Variants in DPYSL2 observed in about 807,000 individuals in gnomAD.
The protein encoded by DPYSL2 is dihydropyrimidinase-related protein 2.
DPYSL2 carries 13 observed loss-of-function variants against 69.9 expected under a neutral mutation model. The ratio of observed to expected loss-of-function variants is 0.19; its 90% CI spans 0.12 to 0.30. DPYSL2 has a LOEUF of 0.30. DPYSL2 is among the 10% of genes least tolerant of loss of function. The probability of loss-of-function intolerance (pLI) is 1.00; values close to 1 mark genes in which losing one functional copy is unlikely to be tolerated. For synonymous variants in DPYSL2, 326 were observed against 359.1 expected (o/e 0.91, Z 1.04); for missense variants, 587 against 918.9 (o/e 0.64, Z 4.67).
chr8:26,643,705 C>A lies in DPYSL2; in HGVS notation c.1283+110C>A. ...CAAGAGCAGCCATAAAACTGGGAGA[C>A]CCTTGTTCACCAAACTAGGTTGGCT... On this transcript the variant is annotated intron_variant, in intron 9 of 13. Coordinates refer to ENST00000521913, the MANE Select transcript of DPYSL2 (RefSeq NM_001197293.3). This position sits in a 1 kb window ranked among gnomAD's most constrained non-coding sequence, Gnocchi z 6.5. 6.8e-7 allele frequency: 1 copy of A among 1,479,348 alleles called. No homozygotes were observed. Among genetic ancestry groups the A allele is most frequent in the Non-Finnish European group, 9.3e-7 (1 of 1,074,280 alleles). The allele number at this position is 1,479,348 out of a possible 1,614,324, so 91.6% of individuals were successfully genotyped here.
chr8:26,613,172 A>T (rs1343056100), intron 3 of DPYSL2, among the ~76,000 whole-genome samples: 2 of 152,226 alleles, frequency 1.3e-5, no homozygotes, highest in Non-Finnish European at 2.9e-5. Context: ...GTGTTCATCC[A>T]GGAAAATGGG....
rs1306572931 is a variant in DPYSL2 at position 26,601,676 on chromosome 8, C to A, written c.628+17693C>A. Among the ~76,000 whole-genome samples, 3 of 152,354 alleles carry A rather than the reference C, an allele frequency of 2.0e-5. No individual in the cohort carries two copies. In the East Asian group the frequency reaches 5.8e-4, roughly 29 times the overall value. ...ATAGGCGTGAGCCACAGCGCCTGGG[C>A]CCTCTCTTATAGGAACTTCAGGTGC... On this transcript the variant is annotated intron_variant, in intron 3 of 13. Transcript: ENST00000521913.
At position 26,514,921 on chromosome 8, in the gene DPYSL2, G is replaced by A. The variant is rs1808252091; in HGVS notation, c.354+242G>A. ...TCTCCTTGAGCTTGAGAGGTGGGGC[G>A]TGGGCATAGGGAATGGGCTGATCCC... On this transcript the variant is annotated intron_variant, in intron 1 of 13. Coordinates refer to ENST00000521913, the MANE Select transcript of DPYSL2 (RefSeq NM_001197293.3). This position sits in a 1 kb window ranked among gnomAD's most constrained non-coding sequence, Gnocchi z 8.4. Among the ~76,000 whole-genome samples, 2 of 152,222 alleles carry A rather than the reference G, an allele frequency of 1.3e-5. No homozygotes were observed. The highest frequency in any genetic ancestry group is 4.1e-4 in the South Asian group (2 of 4,834).
chr8:26,522,859 A>AT (rs1303325783), intron 1 of DPYSL2, among the ~76,000 whole-genome samples: 2 of 151,722 alleles, frequency 1.3e-5, no homozygotes, highest in Non-Finnish European at 2.9e-5. Context: ...CAATTTATCT[A>AT]TTTTTTTCTT....
In DPYSL2 at chr8:26,609,434, A is replaced by G. The variant is rs1239871434; in HGVS notation, c.629-14709A>G. On this transcript the variant is annotated intron_variant, in intron 3 of 13. Coordinates refer to ENST00000521913, the MANE Select transcript of DPYSL2 (RefSeq NM_001197293.3). The surrounding 1 kb of genome is among the most constrained non-coding windows in gnomAD (Gnocchi z 6.5). ...GTTATAGTTGGATTCCCTTCCCAGC[A>G]AGGAACCAACAGGAAGGAAAACGAA... Among the ~76,000 whole-genome samples, 1 of 152,200 alleles carries G rather than the reference A, an allele frequency of 6.6e-6. No homozygotes were observed. The highest frequency in any genetic ancestry group is 1.5e-5 in the Non-Finnish European group (1 of 68,030).
intron 1 of DPYSL2, among the ~76,000 whole-genome samples, chr8:26,545,313 T>C (rs1800748426): frequency 6.6e-6 from 1 of 152,170 alleles, no homozygotes; most frequent in African/African-American, 2.4e-5. Flanking sequence ...TCTAAGTACC[T>C]TTTTCAACCA....
At chr8:26,547,823 A>G in intron 1 of DPYSL2, 1 of 357,368 alleles carries the variant, frequency 2.8e-6, no homozygotes, top group Non-Finnish European at 5.8e-6. Flanking sequence ...TTGCCACAGA[A>G]AGTCATATAT....
chr8:26,561,197 C>T (rs1801064396), intron 1 of DPYSL2, among the ~76,000 whole-genome samples: 1 of 152,128 alleles, frequency 6.6e-6, no homozygotes, highest in Non-Finnish European at 1.5e-5. Context: ...CAGACAACCA[C>T]TCCTGCTTTC....
chr8:26,522,279 G>A lies in DPYSL2; in HGVS notation c.354+7600G>A, dbSNP rs61473350. On this transcript the variant is annotated intron_variant, in intron 1 of 13. Transcript: ENST00000521913. ...GCCAAGATCACACCACTGCACTCCA[G>A]CCTGGGCAACCGAGTGAGACTCTGT... is the stretch of plus-strand genomic sequence containing the variant. Among the ~76,000 whole-genome samples the A allele has an allele frequency of 2.6e-5, 4 of 151,990 alleles. No individual in the cohort carries two copies. The Admixed American group carries it at 2.6e-4, about 10-fold the overall frequency.
intron 1 of DPYSL2, among the ~76,000 whole-genome samples, chr8:26,536,393 A>C (rs1448604975): frequency 6.6e-6 from 1 of 151,988 alleles, no homozygotes; most frequent in African/African-American, 2.4e-5. Context: ...ATTATAGGCC[A>C]GGCATGGTGG....
rs569561060 is a variant in DPYSL2, at chr8:26,644,455, G to A, written c.1425+364G>A. On this transcript the variant is annotated intron_variant, in intron 10 of 13. Coordinates refer to ENST00000521913, the MANE Select transcript of DPYSL2 (RefSeq NM_001197293.3). This position sits in a 1 kb window ranked among gnomAD's most constrained non-coding sequence, Gnocchi z 4.5. Reference sequence around the variant, plus strand: ...CTGAGTAGCTAGGACCACAGGCTCAGACCACCATGCCTGGCTAATTTTTTT... The same window carrying A: ...CTGAGTAGCTAGGACCACAGGCTCAAACCACCATGCCTGGCTAATTTTTTT... Among the ~76,000 whole-genome samples the A allele has an allele frequency of 1.3e-5, 2 of 152,072 alleles. No homozygotes were observed. The highest frequency in any genetic ancestry group is 4.8e-5 in the African/African-American group (2 of 41,490).
At position 26,514,995 on chromosome 8, in the gene DPYSL2, A is replaced by G. The variant is rs1373492701; in HGVS notation, c.354+316A>G. 3.9e-5 allele frequency among the ~76,000 whole-genome samples: 6 copies of G among 152,158 alleles called. No individual in the cohort carries two copies. Among genetic ancestry groups the G allele is most frequent in the Non-Finnish European group, 8.8e-5 (6 of 68,024 alleles). ...CTGGGAGGGGGTTGGCCGCGGTTCC[A>G]TTCTTCTGAAACCCTCCCGGGCGGC... On this transcript the variant is annotated intron_variant, in intron 1 of 13. Coordinates refer to ENST00000521913, the MANE Select transcript of DPYSL2 (RefSeq NM_001197293.3). The surrounding 1 kb of genome is among the most constrained non-coding windows in gnomAD (Gnocchi z 8.4).
chr8:26,537,086 G>A (rs1800604138), intron 1 of DPYSL2, among the ~76,000 whole-genome samples: 1 of 151,956 alleles, frequency 6.6e-6, no homozygotes, highest in Non-Finnish European at 1.5e-5. Flanking sequence ...ATTTTCTGAT[G>A]AGTGACTTAA....
rs1035243034 is a variant in DPYSL2 at position 26,565,062 on chromosome 8, T to C, written c.355-16907T>C. Among the ~76,000 whole-genome samples, 1 of 152,326 alleles carries C rather than the reference T, an allele frequency of 6.6e-6. No individual in the cohort carries two copies. Among genetic ancestry groups the C allele is most frequent in the African/African-American group, 2.4e-5 (1 of 41,566 alleles). On this transcript the variant is annotated intron_variant, in intron 1 of 13. Transcript: ENST00000521913. This position sits in a 1 kb window ranked among gnomAD's most constrained non-coding sequence, Gnocchi z 4.1. Reference sequence around the variant, plus strand: ...TCTTGTGTTACTTCACTTAGAATAATGGCTTCCAGCTCCACCCGAATTACT... The same window carrying C: ...TCTTGTGTTACTTCACTTAGAATAACGGCTTCCAGCTCCACCCGAATTACT...
rs997522143 is a variant in DPYSL2, at chr8:26,593,182, G to T, written c.628+9199G>T. ...AGAGGATGTTGCTGGGGGTTGGGTC[G>T]CGGTGGCTGAGGCTGCTGTCCAGTT... On this transcript the variant is annotated intron_variant, in intron 3 of 13. Transcript: ENST00000521913. The surrounding 1 kb of genome is among the most constrained non-coding windows in gnomAD (Gnocchi z 5.7). Among the ~76,000 whole-genome samples the T allele has an allele frequency of 1.3e-5, 2 of 152,110 alleles. No individual in the cohort carries two copies. The highest frequency in any genetic ancestry group is 2.4e-5 in the African/African-American group (1 of 41,416).
chr8:26,619,929 A>T lies in DPYSL2; in HGVS notation c.629-4214A>T, dbSNP rs887229217. The T allele has an allele frequency of 6.6e-6, 1 of 151,954 alleles. No individual in the cohort carries two copies. The highest frequency in any genetic ancestry group is 1.9e-4 in the East Asian group (1 of 5,180). 9.4% of individuals were successfully genotyped at this position (151,954 alleles called of 1,614,324 possible). On this transcript the variant is annotated intron_variant, in intron 3 of 13. Transcript: ENST00000521913. The surrounding 1 kb of genome is among the most constrained non-coding windows in gnomAD (Gnocchi z 4.8). The stretch of plus-strand genomic sequence containing the variant: ...AGTCTGAGGAGTCTAGCACCAGATG[A>T]TCTGACGACACATCATTGGGATGTG...
Position 26,643,193 on chromosome 8 carries a change from A to G in DPYSL2, c.1127-246A>G. On this transcript the variant is annotated intron_variant, in intron 8 of 13. Coordinates refer to ENST00000521913, the MANE Select transcript of DPYSL2 (RefSeq NM_001197293.3). This position sits in a 1 kb window ranked among gnomAD's most constrained non-coding sequence, Gnocchi z 6.5. ...AAGCCTTCAGGATGTCTGGGATCCT[A>G]TAGGGAGGGTGTGTTGTTTGAAGAG... is the stretch of plus-strand genomic sequence containing the variant. 4.5e-6 allele frequency: 2 copies of G among 439,682 alleles called. No homozygotes were observed. Among genetic ancestry groups the G allele is most frequent in the East Asian group, 3.9e-5 (1 of 25,344 alleles). 27.2% of individuals were successfully genotyped at this position (439,682 alleles called of 1,614,324 possible).
At chr8:26,531,871 T>G (rs1585492428) in intron 1 of DPYSL2, among the ~76,000 whole-genome samples, 1 of 152,042 alleles carries the variant, frequency 6.6e-6, no homozygotes, top group East Asian at 1.9e-4. Context: ...GGGAGCAGGC[T>G]TGATGGCGGG....
rs1801238338 is a variant in DPYSL2 at position 26,571,568 on chromosome 8, G to A, written c.355-10401G>A. Among the ~76,000 whole-genome samples the A allele has an allele frequency of 6.6e-6, 1 of 152,138 alleles. No homozygotes were observed. The highest frequency in any genetic ancestry group is 1.5e-5 in the Non-Finnish European group (1 of 68,032). On this transcript the variant is annotated intron_variant, in intron 1 of 13. Transcript: ENST00000521913. This position sits in a 1 kb window ranked among gnomAD's most constrained non-coding sequence, Gnocchi z 6.1. ...TTCAGGAGGTGTGTGCGCTAACTGG[G>A]GATAAGAGAAAGCCCGAGTCGACTA...
Sources: gnomAD v4.1 joint callset for allele counts (sites outside exome capture counted in the v4.1 genomes callset) on GRCh38, gnomAD v4.1.1 for gene constraint, Gnocchi (gnomAD v3.1) non-coding constraint, MANE v1.5 for transcripts, NCBI Gene and HGNC (gene_info 2026-07-23, HGNC 2026-07-21) for gene names.